ARHGEF18: variants seen among roughly 807,000 people sequenced by gnomAD.
ARHGEF18 encodes Rho/Rac guanine nucleotide exchange factor 18, also known as rho guanine nucleotide exchange factor 18.
ARHGEF18 carries 93 observed loss-of-function variants against 155.7 expected under a neutral mutation model. That is an observed-to-expected ratio of 0.60 (90% CI 0.50 to 0.71). ARHGEF18 has a LOEUF of 0.71. Among genes scored for constraint, ARHGEF18 ranks in the 30% least tolerant of loss-of-function variants. ARHGEF18 has a pLI of 0.00. For synonymous variants in ARHGEF18, 742 were observed against 753.1 expected (o/e 0.99, Z 0.24); for missense variants, 1,593 against 1,816.1 (o/e 0.88, Z 2.23).
intron 10 of ARHGEF18, among the ~76,000 whole-genome samples, chr19:7,420,534 T>C (rs1324142230): frequency 2.0e-5 from 3 of 152,228 alleles, no homozygotes; most frequent in African/African-American, 7.2e-5. Flanking sequence ...ATTCCAGGCG[T>C]GAGCCCCCAC....
chr19:7,477,523 C>T, the ARHGEF18 span: 1 of 1,111,856 alleles, frequency 9.0e-7, no homozygotes, highest in Non-Finnish European at 1.2e-6. Context: ...GGCCTGGCAG[C>T]CCTGAGCCCC....
rs141430742 is a variant in ARHGEF18 at position 7,444,234 on chromosome 19, G to A, written c.1391G>A (p.Arg464Gln). ...ATGCAGACAGAGGTGCACCACGTGCGGACGCTCAAGATCATGCTGAAGGTG... is the reference window on the plus strand; with the variant it reads ...ATGCAGACAGAGGTGCACCACGTGCAGACGCTCAAGATCATGCTGAAGGTG... ...ELMQTEVHHV[R>Q]TLKIMLKVYS... Residue 464 changes from arginine to glutamine, a missense_variant, in exon 14 of 29, where the codon CGG (arginine) becomes CAG (glutamine). By Grantham distance (43) the Arg-to-Gln change is conservative. Transcript: ENST00000668164. This position sits in a 1 kb window ranked among gnomAD's most constrained non-coding sequence, Gnocchi z 4.7. The A allele has an allele frequency of 8.1e-4, 1,307 of 1,613,482 alleles. 1 individual carries two copies. Among genetic ancestry groups the A allele is most frequent in the Admixed American group, 1.0e-3 (61 of 60,018 alleles).
intron 3 of ARHGEF18, among the ~76,000 whole-genome samples, chr19:7,373,466 T>TGG (rs375338251): frequency 1.4e-5 from 2 of 140,240 alleles, no homozygotes; most frequent in East Asian, 4.0e-4. Flanking sequence ...TGTGTTTGTT[T>TGG]TTTTTTTTTT....
intron 3 of ARHGEF18, among the ~76,000 whole-genome samples, chr19:7,373,849 ATT>A (rs57703407): frequency 7.7e-4 from 94 of 121,962 alleles, no homozygotes; most frequent in Middle Eastern, 5.4e-3. Flanking sequence ...TCCTATGAGA[ATT>A]TTTTTTTTTT....
intron 10 of ARHGEF18, among the ~76,000 whole-genome samples, chr19:7,400,880 G>T: frequency 6.6e-6 from 1 of 152,236 alleles, no homozygotes; most frequent in South Asian, 2.1e-4. Flanking sequence ...TCCTGAGCAG[G>T]TGCTCTCTCA....
chr19:7,465,355 A>G (rs561104398), intron 23 of ARHGEF18, among the ~76,000 whole-genome samples: 4 of 151,838 alleles, frequency 2.6e-5, no homozygotes, highest in African/African-American at 9.7e-5. Flanking sequence ...GGCCGGGTGC[A>G]GTGCCTCACA....
At chr19:7,411,155 G>A (rs974645351) in intron 10 of ARHGEF18, among the ~76,000 whole-genome samples, 3 of 152,028 alleles carry the variant, frequency 2.0e-5, no homozygotes, top group Non-Finnish European at 4.4e-5. Context: ...CCTGAGACCT[G>A]GCCTTAGGCA....
downstream of ARHGEF18, among the ~76,000 whole-genome samples, chr19:7,473,612 C>A (rs1328162309): frequency 6.6e-6 from 1 of 151,822 alleles, no homozygotes; most frequent in Non-Finnish European, 1.5e-5. Flanking sequence ...GAGATCGAGA[C>A]CATCCTGGCT....
chr19:7,442,076 C>T, intron 13 of ARHGEF18, 24 bp downstream of exon 13: 3 of 1,612,790 alleles, frequency 1.9e-6, no homozygotes, highest in Non-Finnish European at 2.5e-6. Flanking sequence ...AGCCCTGTGC[C>T]ATCACACCGG....
chr19:7,473,926 T>C (rs904303440), downstream of ARHGEF18, among the ~76,000 whole-genome samples: 35 of 149,152 alleles, frequency 2.3e-4, no homozygotes, highest in African/African-American at 8.7e-4. Context: ...AAAGTTGCAG[T>C]GAGCTATGAT....
At chr19:7,431,291 C>T (rs1411464350) in intron 10 of ARHGEF18, among the ~76,000 whole-genome samples, 11 of 151,702 alleles carry the variant, frequency 7.3e-5, no homozygotes, top group South Asian at 6.2e-4. Context: ...CCGAGGTGGG[C>T]GGATCACTTG....
intron 10 of ARHGEF18, among the ~76,000 whole-genome samples, chr19:7,437,437 A>G (rs1050387872): frequency 3.6e-4 from 54 of 151,612 alleles, no homozygotes; most frequent in Non-Finnish European, 7.2e-4. Flanking sequence ...AAAAAAAAAA[A>G]AAGTTGCTCA....
At chr19:7,475,614 C>T (rs557347811), downstream of ARHGEF18, among the ~76,000 whole-genome samples, 212 of 152,270 alleles carry the variant, frequency 1.4e-3, no homozygotes, top group African/African-American at 5.0e-3. Context: ...TGGAAGCATC[C>T]AACCTGTCTG....
At chr19:7,379,356 C>T (rs570847886) in intron 7 of ARHGEF18, among the ~76,000 whole-genome samples, 190 bp downstream of exon 7, 21 of 151,970 alleles carry the variant, frequency 1.4e-4, no homozygotes, top group East Asian at 7.9e-4. Flanking sequence ...GTCAGGAGTT[C>T]GAGACCAGCC....
chr19:7,357,804 G>A (rs933297437), intron 1 of ARHGEF18, among the ~76,000 whole-genome samples: 12 of 152,220 alleles, frequency 7.9e-5, no homozygotes, highest in African/African-American at 2.9e-4. Flanking sequence ...GAGACCTTCA[G>A]TGAAGGGTCC....
intron 2 of ARHGEF18, among the ~76,000 whole-genome samples, chr19:7,370,327 C>G (rs1970144625): frequency 6.6e-6 from 1 of 152,076 alleles, no homozygotes; most frequent in Non-Finnish European, 1.5e-5. Context: ...AACTCCATCT[C>G]TACTAAAAAT....
Position 7,467,366 on chromosome 19 carries a change from G to C in ARHGEF18, c.3162G>C (p.Ala1054=), listed in dbSNP as rs2303142. Reference sequence around the variant, plus strand: ...TCGAGAAGCAGCGGGAGGAGCGCGCGGCCCTGGAGAAGCTGCAGAGCCAGC... The same window carrying C: ...TCGAGAAGCAGCGGGAGGAGCGCGCCGCCCTGGAGAAGCTGCAGAGCCAGC... The part of the protein sequence containing the change: ...RNFEKQREER[A]ALEKLQSQLR... The change falls in exon 26 of 29, where the codon GCG becomes GCC. Residue 1054 remains alanine, a synonymous_variant. Transcript: ENST00000668164. The C allele has an allele frequency of 0.23, 350,337 of 1,534,734 alleles. 41,166 individuals are homozygous for C. Among genetic ancestry groups the C allele is most frequent in the African/African-American group, 0.34 (24,477 of 73,038 alleles).
intron 2 of ARHGEF18, among the ~76,000 whole-genome samples, chr19:7,365,696 C>T (rs1306951326): frequency 1.3e-5 from 2 of 152,188 alleles, no homozygotes; most frequent in African/African-American, 4.8e-5. Context: ...TCTCGATTCT[C>T]ATCATCCACT....
chr19:7,355,407 G>C (rs893718754), intron 1 of ARHGEF18, among the ~76,000 whole-genome samples: 1 of 152,194 alleles, frequency 6.6e-6, no homozygotes, highest in Non-Finnish European at 1.5e-5. Flanking sequence ...CTGGGTTTAA[G>C]GGACAGAGGG....
Sources: allele counts gnomAD v4.1 joint callset (sites outside exome capture counted in the v4.1 genomes callset), GRCh38; gene constraint gnomAD v4.1.1; non-coding constraint Gnocchi (gnomAD v3.1); transcripts MANE v1.5; gene names NCBI Gene and HGNC (gene_info 2026-07-23, HGNC 2026-07-21).